The following LRRFIP1 variants were observed in gnomAD, a reference collection of about 807,000 sequenced individuals.
LRRFIP1 encodes the protein LRR binding FLII interacting protein 1.
A neutral mutation model predicts 104.4 loss-of-function variants in LRRFIP1; 62 were observed. The ratio of observed to expected loss-of-function variants is 0.59; its 90% CI spans 0.48 to 0.73. LRRFIP1 has a LOEUF of 0.73. Ranked by LOEUF, LRRFIP1 falls within the 30% of genes least tolerant of loss-of-function variation. The pLI, the probability that LRRFIP1 is intolerant of heterozygous loss-of-function variation, is 0.00. For missense variants in LRRFIP1, 796 were observed against 824.5 expected, an observed-to-expected ratio of 0.97 and a Z score of 0.42; for synonymous variants, 300 against 299.0, an observed-to-expected ratio of 1.00 and a Z score of -0.03.
chr2:237,692,234 G>T, intron 1 of LRRFIP1: 1 of 1,111,286 alleles, frequency 9.0e-7, no homozygotes, highest in Non-Finnish European at 1.1e-6. Context: ...GACTCAGCCC[G>T]CGGCCACCTG....
At chr2:237,749,638 G>C (rs761659706) in intron 13 of LRRFIP1, among the ~76,000 whole-genome samples, 24 of 152,216 alleles carry the variant, frequency 1.6e-4, no homozygotes, top group Admixed American at 5.9e-4. Context: ...GGTCGTCTCT[G>C]TATGCTTGGT....
intron 19 of LRRFIP1, among the ~76,000 whole-genome samples, chr2:237,760,640 T>G (rs2059760628): frequency 6.6e-6 from 1 of 152,204 alleles, no homozygotes; most frequent in Non-Finnish European, 1.5e-5. Context: ...TTGGCCATAT[T>G]TGCAAGCCAA....
chr2:237,659,275 T>C (rs1385060707), intron 1 of LRRFIP1, among the ~76,000 whole-genome samples: 1 of 151,774 alleles, frequency 6.6e-6, no homozygotes, highest in Non-Finnish European at 1.5e-5. Flanking sequence ...TTTTTATTTT[T>C]AGTAGAGATG....
chr2:237,737,166 G>A (rs2095276267), intron 10 of LRRFIP1, among the ~76,000 whole-genome samples: 1 of 152,192 alleles, frequency 6.6e-6, no homozygotes, highest in African/African-American at 2.4e-5. Context: ...TTTCTTCGGT[G>A]TTGTGACAAA....
At chr2:237,632,225 T>C (rs2082472392) in intron 1 of LRRFIP1, among the ~76,000 whole-genome samples, 1 of 151,766 alleles carries the variant, frequency 6.6e-6, no homozygotes, top group African/African-American at 2.4e-5. Context: ...AGGACTCCAG[T>C]TGTGGAGAAG....
At chr2:237,700,693 T>G (rs2093470014) in intron 1 of LRRFIP1, among the ~76,000 whole-genome samples, 1 of 152,192 alleles carries the variant, frequency 6.6e-6, no homozygotes, top group African/African-American at 2.4e-5. Context: ...CTCTGTCCAT[T>G]GGCCCACTGG....
At chr2:237,671,524 T>C (rs565266036) in intron 1 of LRRFIP1, among the ~76,000 whole-genome samples, 1 of 152,282 alleles carries the variant, frequency 6.6e-6, no homozygotes, top group African/African-American at 2.4e-5. Context: ...GAGCCTTTTG[T>C]CTTCCAGCAA....
At chr2:237,729,934 C>G (rs1365526497) in intron 8 of LRRFIP1, 5 of 567,776 alleles carry the variant, frequency 8.8e-6, no homozygotes, top group Non-Finnish European at 1.1e-5. Context: ...CTCTACTTTT[C>G]TCTTTCGGTG....
chr2:237,752,405 C>CA (rs1399387479), intron 14 of LRRFIP1, among the ~76,000 whole-genome samples: 1 of 152,024 alleles, frequency 6.6e-6, no homozygotes, highest in East Asian at 1.9e-4. Context: ...GACACTGTTT[C>CA]AAAAAAGAAA....
intron 1 of LRRFIP1, among the ~76,000 whole-genome samples, chr2:237,628,854 C>T (rs2081962357): frequency 6.6e-6 from 1 of 152,286 alleles, no homozygotes; most frequent in Non-Finnish European, 1.5e-5. Flanking sequence ...GTGGCAGTCA[C>T]TCAGTATTTG....
chr2:237,767,313 C>G (rs1287861014), intron 19 of LRRFIP1, among the ~76,000 whole-genome samples: 1 of 152,192 alleles, frequency 6.6e-6, no homozygotes, highest in Non-Finnish European at 1.5e-5. Flanking sequence ...AGGTTGCCTG[C>G]CAGCCATATC....
intron 17 of LRRFIP1, among the ~76,000 whole-genome samples, chr2:237,758,430 G>A (rs886578880): frequency 1.3e-5 from 2 of 152,180 alleles, no homozygotes; most frequent in Non-Finnish European, 2.9e-5. Context: ...CTGTGAACAC[G>A]CAGACAAAGC....
Position 237,684,922 on chromosome 2 carries a change from G to GAA in LRRFIP1, c.97-23608_97-23607dup, listed in dbSNP as rs11386479. Among the ~76,000 whole-genome samples, 876 of 144,194 alleles carry GAA rather than the reference G, an allele frequency of 6.1e-3. 3 individuals carry two copies. Among genetic ancestry groups the GAA allele is most frequent in the Non-Finnish European group, 6.8e-3 (451 of 66,196 alleles). 94.6% of individuals were successfully genotyped at this position (144,194 alleles called of 152,430 possible). On this transcript the variant is annotated intron_variant, in intron 1 of 23. Transcript: ENST00000308482. ...GGCAACATGCTGAAACCCTGTCTCT[G>GAA]AAAAAAAAAAAAAAATTAGCCAGGC...
chr2:237,678,144 G>C (rs765703326), intron 1 of LRRFIP1, among the ~76,000 whole-genome samples: 6 of 152,084 alleles, frequency 3.9e-5, no homozygotes, highest in Admixed American at 6.5e-5. Context: ...GGCTCTCGAA[G>C]TTCAAGTCCA....
chr2:237,654,072 C>T (rs1236582451), intron 1 of LRRFIP1, among the ~76,000 whole-genome samples: 1 of 152,120 alleles, frequency 6.6e-6, no homozygotes, highest in East Asian at 1.9e-4. Flanking sequence ...GACAAACTAA[C>T]CTACGGAATG....
intron 23 of LRRFIP1, among the ~76,000 whole-genome samples, chr2:237,779,138 C>T (rs1039699669): frequency 3.3e-5 from 5 of 152,108 alleles, no homozygotes; most frequent in Admixed American, 6.6e-5. Context: ...CGCTTGAACC[C>T]GTGAGGCGGA....
intron 1 of LRRFIP1, among the ~76,000 whole-genome samples, chr2:237,704,076 C>T (rs1050971600): frequency 6.6e-5 from 10 of 151,912 alleles, no homozygotes; most frequent in African/African-American, 2.2e-4. Context: ...TGCCATCTGC[C>T]GTGCCCTGTC....
chr2:237,724,719 A>G (rs1215659350), intron 7 of LRRFIP1, among the ~76,000 whole-genome samples: 1 of 152,072 alleles, frequency 6.6e-6, no homozygotes, highest in Non-Finnish European at 1.5e-5. Context: ...TACTCTTTTT[A>G]TGTTAAATTC....
intron 1 of LRRFIP1, among the ~76,000 whole-genome samples, chr2:237,670,645 A>G (rs1180005917): frequency 1.3e-5 from 2 of 152,072 alleles, no homozygotes; most frequent in Non-Finnish European, 2.9e-5. Context: ...CAGGGCCAGC[A>G]CTCGGTGGCA....
Sources: gnomAD v4.1 joint callset for allele counts (sites outside exome capture counted in the v4.1 genomes callset) on GRCh38, gnomAD v4.1.1 for gene constraint, MANE v1.5 for transcripts, NCBI Gene and HGNC (gene_info 2026-07-23, HGNC 2026-07-21) for gene names.